The following CNGB3 variants were observed in gnomAD, a reference collection of about 807,000 sequenced individuals.
The protein encoded by CNGB3 is cyclic nucleotide gated channel subunit beta 3, also known as cyclic nucleotide-gated channel beta-3.
Under a neutral mutation model 92.8 loss-of-function variants are expected in CNGB3, and 86 were observed. The observed-to-expected ratio is 0.93, with a 90% CI of 0.78 to 1.11. The LOEUF is 1.11. CNGB3 is among the 50% of genes least tolerant of loss of function. The probability of loss-of-function intolerance (pLI) is 0.00; values close to 1 mark genes in which losing one functional copy is unlikely to be tolerated. For missense variants in CNGB3, 1,026 were observed against 956.8 expected, an observed-to-expected ratio of 1.07 and a Z score of -0.95; for synonymous variants, 333 against 332.7, an observed-to-expected ratio of 1.00 and a Z score of -0.01.
intron 3 of CNGB3, among the ~76,000 whole-genome samples, chr8:86,696,413 C>T (rs927403770): frequency 1.3e-5 from 2 of 152,136 alleles, no homozygotes; most frequent in East Asian, 1.9e-4. Context: ...CAAGAGCTTA[C>T]GTCTTTTGTC....
intron 3 of CNGB3, among the ~76,000 whole-genome samples, chr8:86,675,187 C>G (rs1484282639): frequency 1.3e-5 from 2 of 152,114 alleles, no homozygotes; most frequent in Non-Finnish European, 2.9e-5. Flanking sequence ...GTCTAGAACT[C>G]CTGACCTCAT....
intron 3 of CNGB3, chr8:86,704,449 A>G (rs1453510130): frequency 6.6e-6 from 1 of 152,210 alleles, no homozygotes; most frequent in Non-Finnish European, 1.5e-5. Flanking sequence ...GAGAAGAAAA[A>G]TTCATTAGAC....
intron 3 of CNGB3, among the ~76,000 whole-genome samples, chr8:86,688,765 T>A (rs930950826): frequency 5.3e-5 from 8 of 152,016 alleles, no homozygotes; most frequent in Non-Finnish European, 8.8e-5. Flanking sequence ...AAACCAACTT[T>A]TCATTTCATT....
At chr8:86,594,457 G>C (rs1255815868) in intron 15 of CNGB3, 1 of 281,516 alleles carries the variant, frequency 3.6e-6, no homozygotes, top group East Asian at 1.3e-4. Context: ...TGAGCTTGTC[G>C]GTGGTAAAGA....
intron 3 of CNGB3, among the ~76,000 whole-genome samples, chr8:86,689,156 T>G (rs531669424): frequency 3.9e-3 from 83 of 21,538 alleles, no homozygotes; most frequent in African/African-American, 0.014. Flanking sequence ...TAATTTCATG[T>G]TTTTTTTTTC....
At chr8:86,718,231 C>T (rs528549228) in intron 3 of CNGB3, among the ~76,000 whole-genome samples, 43 of 152,002 alleles carry the variant, frequency 2.8e-4, no homozygotes, top group South Asian at 8.3e-4. Context: ...CACAAAAAAC[C>T]GTTTCTTTGA....
At chr8:86,692,992 A>C (rs958679259) in intron 3 of CNGB3, among the ~76,000 whole-genome samples, 2 of 152,134 alleles carry the variant, frequency 1.3e-5, no homozygotes, top group Admixed American at 1.3e-4. Flanking sequence ...TATGAAGCAT[A>C]GTTTCACTGG....
chr8:86,728,518 C>T (rs554685531), intron 2 of CNGB3, among the ~76,000 whole-genome samples: 54 of 152,234 alleles, frequency 3.5e-4, no homozygotes, highest in African/African-American at 1.2e-3. Flanking sequence ...GACAAATTTC[C>T]ATTTTGTATT....
intron 2 of CNGB3, among the ~76,000 whole-genome samples, chr8:86,735,957 C>T (rs1825245899): frequency 6.6e-6 from 1 of 151,984 alleles, no homozygotes. Context: ...CTTACATATC[C>T]TCTACTGGTA....
intron 3 of CNGB3, among the ~76,000 whole-genome samples, chr8:86,701,629 T>A (rs538813198): frequency 1.0e-3 from 158 of 152,338 alleles, no homozygotes; most frequent in African/African-American, 3.7e-3. Context: ...TTATTATTTT[T>A]AAAATTCTTT....
At chr8:86,729,486 C>T (rs940275208) in intron 2 of CNGB3, among the ~76,000 whole-genome samples, 3 of 152,196 alleles carry the variant, frequency 2.0e-5, no homozygotes, top group Admixed American at 1.3e-4. Context: ...TCTATTTTGA[C>T]AAGCCTGGGA....
At chr8:86,675,550 G>A (rs1255653187) in intron 3 of CNGB3, among the ~76,000 whole-genome samples, 1 of 152,036 alleles carries the variant, frequency 6.6e-6, no homozygotes, top group Non-Finnish European at 1.5e-5. Context: ...TGTGTAGCTG[G>A]CAAAAGGTGT....
chr8:86,684,010 T>C (rs1563753266), intron 3 of CNGB3, among the ~76,000 whole-genome samples: 1 of 152,142 alleles, frequency 6.6e-6, no homozygotes, highest in Admixed American at 6.6e-5. Flanking sequence ...GGGAAACTTT[T>C]GCTTTGTGAA....
At chr8:86,593,732 G>C (rs1822105517) in intron 15 of CNGB3, 1 of 974,490 alleles carries the variant, frequency 1.0e-6, no homozygotes, top group East Asian at 2.8e-5. Flanking sequence ...GCAGTGGTGG[G>C]GGTGGAAGAA....
intron 3 of CNGB3, among the ~76,000 whole-genome samples, chr8:86,711,829 CTCTCTCTATA>C (rs942030886): frequency 2.4e-5 from 3 of 125,148 alleles, no homozygotes; most frequent in Non-Finnish European, 5.2e-5. Context: ...CTCTCTCTCT[CTCTCTCTATA>C]TATATATATA....
intron 3 of CNGB3, among the ~76,000 whole-genome samples, chr8:86,698,202 A>T (rs1251755254): frequency 3.3e-5 from 5 of 152,298 alleles, no homozygotes; most frequent in Non-Finnish European, 7.4e-5. Flanking sequence ...GTTCATTTGT[A>T]TACAGCAGAT....
intron 3 of CNGB3, among the ~76,000 whole-genome samples, chr8:86,704,651 A>C (rs187603987): frequency 1.3e-4 from 20 of 152,284 alleles, no homozygotes; most frequent in African/African-American, 4.1e-4. Context: ...ACACTGAGAC[A>C]ATGTCAAGGG....
Position 86,734,046 on chromosome 8 carries a change from T to G in CNGB3, c.211+5609A>C, listed in dbSNP as rs938259957. On this transcript the variant is annotated intron_variant, in intron 2 of 17. Transcript: ENST00000320005. ...CTATGCTCAGCTAATTAAAAAAATT[T>G]GGGGGGATAGAGGTCAGGTCTCGCT... Among the ~76,000 whole-genome samples, 8 of 152,094 alleles carry G rather than the reference T, an allele frequency of 5.3e-5. No homozygotes were observed. In the East Asian group the frequency reaches 5.8e-4, roughly 11 times the overall value.
chr8:86,687,544 G>C (rs1824213293), intron 3 of CNGB3, among the ~76,000 whole-genome samples: 1 of 152,040 alleles, frequency 6.6e-6, no homozygotes, highest in South Asian at 2.1e-4. Context: ...GCAGAGAATA[G>C]GGAGAAACTG....
Sources: gnomAD v4.1 joint callset for allele counts (sites outside exome capture counted in the v4.1 genomes callset) on GRCh38, gnomAD v4.1.1 for gene constraint, MANE v1.5 for transcripts, NCBI Gene and HGNC (gene_info 2026-07-23, HGNC 2026-07-21) for gene names.